NXPE2: variants seen among roughly 807,000 people sequenced by gnomAD.
NXPE2 encodes NXPE family member 2.
In NXPE2, 34 loss-of-function variants were observed where a neutral mutation model predicts 34.4. The observed-to-expected ratio is 0.99, with a 90% CI of 0.75 to 1.31. The LOEUF (loss-of-function observed/expected upper bound fraction) is 1.31, where lower values mean the gene tolerates loss of function less well. NXPE2 is among the 40% of genes most tolerant of loss of function. NXPE2 has a pLI of 0.00. For missense variants in NXPE2, 649 were observed against 672.5 expected, an observed-to-expected ratio of 0.97 and a Z score of 0.39; for synonymous variants, 235 against 231.3, an observed-to-expected ratio of 1.02 and a Z score of -0.15.
chr11:114,555,609 A>G, the NXPE2 span, among the ~76,000 whole-genome samples: 1 of 152,148 alleles, frequency 6.6e-6, no homozygotes, highest in Non-Finnish European at 1.5e-5. Flanking sequence ...AATAAGTAGA[A>G]TATTACCACC....
chr11:114,647,935 C>T, the NXPE2 span, among the ~76,000 whole-genome samples: 1 of 152,104 alleles, frequency 6.6e-6, no homozygotes, highest in East Asian at 1.9e-4. Flanking sequence ...CTCCTGACCT[C>T]GTGATCCACC....
chr11:114,519,488 A>G, the NXPE2 span, among the ~76,000 whole-genome samples: 1 of 152,252 alleles, frequency 6.6e-6, no homozygotes, highest in Non-Finnish European at 1.5e-5. Flanking sequence ...GAGATAACAG[A>G]TACTTTTAAA....
the NXPE2 span, among the ~76,000 whole-genome samples, chr11:114,631,144 A>T: frequency 6.6e-6 from 1 of 151,974 alleles, no homozygotes; most frequent in Non-Finnish European, 1.5e-5. Flanking sequence ...AACTAGAAAT[A>T]CCATTTGACC....
At chr11:114,607,301 T>A in the NXPE2 span, among the ~76,000 whole-genome samples, 2 of 151,940 alleles carry the variant, frequency 1.3e-5, no homozygotes, top group African/African-American at 4.8e-5. Context: ...TAGTTAGTAT[T>A]GCCTCGTGGG....
the NXPE2 span, among the ~76,000 whole-genome samples, chr11:114,637,939 G>C: frequency 1.3e-5 from 2 of 151,800 alleles, no homozygotes; most frequent in East Asian, 3.9e-4. Context: ...ACAATTATGT[G>C]TCTTGGAGTT....
At chr11:114,638,191 C>T in the NXPE2 span, among the ~76,000 whole-genome samples, 1 of 151,934 alleles carries the variant, frequency 6.6e-6, no homozygotes, top group Non-Finnish European at 1.5e-5. Flanking sequence ...CTAAACTTCC[C>T]TTCTCGCTTC....
At chr11:114,607,960 T>C in the NXPE2 span, among the ~76,000 whole-genome samples, 5 of 151,776 alleles carry the variant, frequency 3.3e-5, no homozygotes, top group Non-Finnish European at 7.4e-5. Flanking sequence ...ACCCAGTGGA[T>C]AATAAGTGTT....
the NXPE2 span, chr11:114,529,481 G>A: frequency 6.6e-6 from 1 of 152,234 alleles, no homozygotes; most frequent in East Asian, 1.9e-4. Flanking sequence ...TGAGTCGGGG[G>A]AGAAAAGCAT....
chr11:114,480,426 T>G, the NXPE2 span, among the ~76,000 whole-genome samples: 3,003 of 152,274 alleles, frequency 0.02, 102 homozygotes, highest in African/African-American at 0.067. Flanking sequence ...TCCTATTGTG[T>G]TTGCTAAGCT....
At chr11:114,646,006 C>T in the NXPE2 span, among the ~76,000 whole-genome samples, 1 of 152,010 alleles carries the variant, frequency 6.6e-6, no homozygotes, top group Non-Finnish European at 1.5e-5. Context: ...TTGGTTAGTA[C>T]TTCAGAGAAA....
chr11:114,726,838 G>A, the NXPE2 span, among the ~76,000 whole-genome samples: 4 of 151,974 alleles, frequency 2.6e-5, no homozygotes, highest in Admixed American at 6.6e-5. Flanking sequence ...TTTATAACAA[G>A]GATTGCCTTT....
At chr11:114,631,598 C>G in the NXPE2 span, among the ~76,000 whole-genome samples, 1 of 151,718 alleles carries the variant, frequency 6.6e-6, no homozygotes, top group Non-Finnish European at 1.5e-5. Flanking sequence ...GGGTGCAGCG[C>G]ACCAGCATGG....
At chr11:114,530,200 C>T in the NXPE2 span, 1 of 1,609,536 alleles carries the variant, frequency 6.2e-7, no homozygotes, top group Non-Finnish European at 8.5e-7. Flanking sequence ...TTTTCCTTGT[C>T]TGTAAGATAA....
chr11:114,500,895 A>G, the NXPE2 span, among the ~76,000 whole-genome samples: 1 of 152,132 alleles, frequency 6.6e-6, no homozygotes, highest in African/African-American at 2.4e-5. Context: ...TTATGGAATT[A>G]TTTTGGTGAC....
At chr11:114,615,677 G>A in the NXPE2 span, among the ~76,000 whole-genome samples, 2 of 151,600 alleles carry the variant, frequency 1.3e-5, no homozygotes, top group Non-Finnish European at 2.9e-5. Flanking sequence ...TGGATAATAA[G>A]TGTTGCCTCT....
the NXPE2 span, among the ~76,000 whole-genome samples, chr11:114,616,884 G>T: frequency 6.6e-6 from 1 of 151,802 alleles, no homozygotes; most frequent in African/African-American, 2.4e-5. Flanking sequence ...TTACCCGCTG[G>T]ATACTAGGTA....
At chr11:114,569,307 G>A in the NXPE2 span, among the ~76,000 whole-genome samples, 5 of 152,056 alleles carry the variant, frequency 3.3e-5, no homozygotes, top group African/African-American at 9.7e-5. Flanking sequence ...GTCTTGGGAA[G>A]GCCTATTAAA....
At chr11:114,606,430 G>T in the NXPE2 span, among the ~76,000 whole-genome samples, 3 of 151,608 alleles carry the variant, frequency 2.0e-5, no homozygotes, top group Admixed American at 6.6e-5. Flanking sequence ...TTGCCTCGTG[G>T]GTAACCAGTT....
At chr11:114,668,099 A>T in the NXPE2 span, among the ~76,000 whole-genome samples, 2 of 151,940 alleles carry the variant, frequency 1.3e-5, no homozygotes, top group Non-Finnish European at 1.5e-5. Flanking sequence ...GAAAAGACTG[A>T]ATACCTCTTG....
Sources: allele counts gnomAD v4.1 joint callset (sites outside exome capture counted in the v4.1 genomes callset), GRCh38; gene constraint gnomAD v4.1.1; transcripts MANE v1.5; gene names NCBI Gene and HGNC (gene_info 2026-07-23, HGNC 2026-07-21).